Variants in CYRIB observed in about 807,000 individuals in gnomAD.
The protein encoded by CYRIB is CYFIP related Rac1 interactor B.
In CYRIB, 8 loss-of-function variants were observed where a neutral mutation model predicts 44.2. That is an observed-to-expected ratio of 0.18 (90% confidence interval 0.11 to 0.33). The LOEUF is 0.33. Ranked by LOEUF, CYRIB falls within the 10% of genes least tolerant of loss-of-function variation. The pLI, the probability that CYRIB is intolerant of heterozygous loss-of-function variation, is 1.00. For synonymous variants in CYRIB, 131 were observed against 127.2 expected (o/e 1.03, Z -0.20); for missense variants, 185 against 382.8 (o/e 0.48, Z 4.31).
chr8:129,921,141 G>A (rs2083344161), intron 1 of CYRIB, among the ~76,000 whole-genome samples: 1 of 152,104 alleles, frequency 6.6e-6, no homozygotes, highest in Admixed American at 6.5e-5. Flanking sequence ...TCAGACATAA[G>A]TCTTATCTAT....
chr8:129,893,826 C>T (rs978868888), intron 2 of CYRIB, among the ~76,000 whole-genome samples: 33 of 150,920 alleles, frequency 2.2e-4, no homozygotes, highest in African/African-American at 8.0e-4. Context: ...AGCCATCACA[C>T]TAGGCCTTTT....
chr8:129,843,627 C>T (rs1426610181), intron 11 of CYRIB, among the ~76,000 whole-genome samples: 1 of 152,176 alleles, frequency 6.6e-6, no homozygotes, highest in Non-Finnish European at 1.5e-5. Context: ...GCCTTCAATT[C>T]CTGGGCTCAA....
At chr8:129,980,518 G>A (rs1482215836) in intron 1 of CYRIB, among the ~76,000 whole-genome samples, 2 of 152,090 alleles carry the variant, frequency 1.3e-5, no homozygotes, top group East Asian at 1.9e-4. Flanking sequence ...AACAATATGC[G>A]CTGGGCGTGG....
At chr8:129,986,523 A>C (rs1233762452) in intron 1 of CYRIB, among the ~76,000 whole-genome samples, 1 of 152,230 alleles carries the variant, frequency 6.6e-6, no homozygotes, top group African/African-American at 2.4e-5. Context: ...GGATTCATCC[A>C]TTCATGGATT....
chr8:129,911,491 A>T (rs895031912), intron 1 of CYRIB, among the ~76,000 whole-genome samples: 1 of 152,134 alleles, frequency 6.6e-6, no homozygotes, highest in Non-Finnish European at 1.5e-5. Flanking sequence ...TTGTAAAATT[A>T]AAAATGATTC....
At chr8:129,943,891 G>A (rs747733547), upstream of CYRIB, among the ~76,000 whole-genome samples, 7 of 137,928 alleles carry the variant, frequency 5.1e-5, no homozygotes, top group African/African-American at 1.6e-4. Flanking sequence ...GAGCCACCGC[G>A]CCCCGCCGAG....
intron 11 of CYRIB, among the ~76,000 whole-genome samples, chr8:129,846,118 C>A (rs749787505): frequency 5.3e-5 from 8 of 152,090 alleles, no homozygotes; most frequent in Non-Finnish European, 8.8e-5. Flanking sequence ...GGTGACAGAG[C>A]GAGATTCCAA....
At chr8:129,903,625 G>A (rs116749347) in intron 1 of CYRIB, among the ~76,000 whole-genome samples, 2,218 of 152,236 alleles carry the variant, frequency 0.015, 52 homozygotes, top group African/African-American at 0.05. Flanking sequence ...AAAAGTGTAC[G>A]AAGACAAGTA....
intron 1 of CYRIB, among the ~76,000 whole-genome samples, chr8:129,917,622 G>C (rs1294158098): frequency 1.3e-5 from 2 of 152,152 alleles, no homozygotes; most frequent in South Asian, 4.1e-4. Context: ...ACTTTGGGAG[G>C]CCAAGGCGGG....
Position 129,920,264 on chromosome 8 carries a change from T to C in CYRIB, c.-49-16914A>G, listed in dbSNP as rs571013918. Among the ~76,000 whole-genome samples, 6 of 152,246 alleles carry C rather than the reference T, an allele frequency of 3.9e-5. No homozygotes were observed. The East Asian group carries it at 1.2e-3, about 29-fold the overall frequency. ...CTTTTAAAAACTACCTTACATGTCTTATGAGCTTTTCTCCCAAGTGCTCAT... is the reference window on the plus strand; with the variant it reads ...CTTTTAAAAACTACCTTACATGTCTCATGAGCTTTTCTCCCAAGTGCTCAT... On this transcript the variant is annotated intron_variant, in intron 1 of 11. Coordinates refer to ENST00000519824, the Ensembl canonical transcript of CYRIB.
At position 129,914,965 on chromosome 8, in the gene CYRIB, C is replaced by T. The variant is rs545774861; in HGVS notation, c.-49-11615G>A. Among the ~76,000 whole-genome samples the T allele has an allele frequency of 3.7e-4, 57 of 152,164 alleles. No homozygotes were observed. The East Asian group carries it at 0.01, about 27-fold the overall frequency. On this transcript the variant is annotated intron_variant, in intron 1 of 11. Transcript: ENST00000519824. ...CACTTGAAAAGATGCTCAACACCAT[C>T]GGGCACTAGAGAAATACAAACTGAA...
At chr8:129,881,082 T>C (rs2060650333) in intron 2 of CYRIB, among the ~76,000 whole-genome samples, 3 of 151,812 alleles carry the variant, frequency 2.0e-5, no homozygotes, top group South Asian at 4.1e-4. Context: ...ACTTAAAAGT[T>C]AACACAGCAA....
intron 1 of CYRIB, among the ~76,000 whole-genome samples, chr8:129,927,905 T>C (rs772610498): frequency 2.0e-5 from 3 of 152,084 alleles, no homozygotes; most frequent in Admixed American, 6.6e-5. Context: ...GAGGAAAGGA[T>C]AGTCTTTTCA....
Position 129,954,051 on chromosome 8 carries a change from C to T in CYRIB, c.-243+16892G>A, listed in dbSNP as rs181104660. 4.7e-4 allele frequency among the ~76,000 whole-genome samples: 72 copies of T among 152,110 alleles called. No homozygotes were observed. In the South Asian group the frequency reaches 0.011, roughly 22 times the overall value. ...AGCTTCCCTTCTAAAATCCTGGTGC[C>T]GATTTCATGTTAGAACACAGGTTTA... On this transcript the variant is annotated intron_variant, in intron 2 of 14. Coordinates refer to the CYRIB transcript ENST00000401979.
At chr8:129,953,875 AT>A (rs1252996272) in intron 2 of CYRIB, among the ~76,000 whole-genome samples, 2 of 152,212 alleles carry the variant, frequency 1.3e-5, no homozygotes, top group African/African-American at 4.8e-5. Context: ...AAATACAGAG[AT>A]TTAGACAGAA....
intron 4 of CYRIB, chr8:129,864,739 T>C: frequency 2.9e-6 from 1 of 346,352 alleles, no homozygotes; most frequent in Middle Eastern, 1.2e-3. Flanking sequence ...TGCTGAAGTT[T>C]GCTCAAAGCC....
intron 5 of CYRIB, among the ~76,000 whole-genome samples, chr8:129,858,181 C>T (rs1424967335): frequency 6.6e-6 from 1 of 152,214 alleles, no homozygotes. Context: ...GACAATCCCA[C>T]AGAAAATGTC....
intron 1 of CYRIB, among the ~76,000 whole-genome samples, chr8:129,918,645 C>G (rs1383835185): frequency 6.6e-6 from 1 of 152,178 alleles, no homozygotes; most frequent in South Asian, 2.1e-4. Flanking sequence ...CATCAAAACG[C>G]TGGACCCTTT....
chr8:129,888,850 T>A (rs1356506682), intron 2 of CYRIB, among the ~76,000 whole-genome samples: 1 of 152,152 alleles, frequency 6.6e-6, no homozygotes, highest in African/African-American at 2.4e-5. Context: ...CCCAGCACTT[T>A]GGGAGGCCGA....
Sources: allele counts gnomAD v4.1 joint callset (sites outside exome capture counted in the v4.1 genomes callset), GRCh38; gene constraint gnomAD v4.1.1; transcripts MANE v1.5; gene names NCBI Gene and HGNC (gene_info 2026-07-23, HGNC 2026-07-21).